COL18A1: variants seen among roughly 807,000 people sequenced by gnomAD.
The protein encoded by COL18A1 is collagen type XVIII alpha 1 chain, also known as collagen alpha-1(XVIII) chain.
A neutral mutation model predicts 168.0 loss-of-function variants in COL18A1; 133 were observed. That is an observed-to-expected ratio of 0.79 (90% CI 0.69 to 0.91). The LOEUF (loss-of-function observed/expected upper bound fraction) is 0.91. Ranked by LOEUF, COL18A1 falls within the 40% of genes least tolerant of loss-of-function variation. The pLI is 0.00. For synonymous variants in COL18A1, 949 were observed against 809.0 expected (o/e 1.17, Z -2.94); for missense variants, 2,126 against 1,925.4 (o/e 1.10, Z -1.95).
At chr21:45,479,848 G>A in intron 9 of COL18A1, 54 bp from the exon 10 acceptor site, 1 of 1,610,560 alleles carries the variant, frequency 6.2e-7, no homozygotes, top group Non-Finnish European at 8.5e-7. Context: ...AGAGTGCTGG[G>A]TGCGGCCCAT....
At chr21:45,420,358 C>G (rs879564110) in intron 2 of COL18A1, 1 of 152,264 alleles carries the variant, frequency 6.6e-6, no homozygotes, top group Non-Finnish European at 1.5e-5. Context: ...GGAGCCACTG[C>G]GAGGACACTG....
chr21:45,413,025 G>A (rs192125927), intron 2 of COL18A1, among the ~76,000 whole-genome samples: 1 of 152,298 alleles, frequency 6.6e-6, no homozygotes, highest in East Asian at 1.9e-4. Flanking sequence ...GGAGCGTCAT[G>A]GGGCCATACA....
chr21:45,469,974 GGCAAT>G (rs1473497198), intron 3 of COL18A1, among the ~76,000 whole-genome samples: 1 of 152,192 alleles, frequency 6.6e-6, no homozygotes, highest in Non-Finnish European at 1.5e-5. Flanking sequence ...TCCAGTGAGA[GGCAAT>G]TTGTTGTGTG....
intron 9 of COL18A1, 44 bp downstream of exon 9, chr21:45,478,397 T>C (rs376678992): frequency 1.1e-4 from 173 of 1,613,938 alleles, no homozygotes; most frequent in Non-Finnish European, 1.4e-4. Flanking sequence ...TCTGTGATGT[T>C]TGCTTAGACC....
intron 2 of COL18A1, among the ~76,000 whole-genome samples, chr21:45,434,302 C>A (rs543636663): frequency 6.6e-6 from 1 of 152,156 alleles, no homozygotes; most frequent in South Asian, 2.1e-4. Context: ...CCCTCGGGGA[C>A]AGGCGGCCCG....
Position 45,463,677 on chromosome 21 carries a change from C to T in COL18A1, c.107-4565C>T, listed in dbSNP as rs1408730181. The stretch of plus-strand genomic sequence containing the variant: ...CTTTGGGATGCCGAGGCATGCGGAT[C>T]GCCTGAGGTCGGGAGTTGGAGACCA... On this transcript the variant is annotated intron_variant, in intron 2 of 41. Transcript: ENST00000651438. The surrounding 1 kb of genome is among the most constrained non-coding windows in gnomAD (Gnocchi z 4.0). Among the ~76,000 whole-genome samples, 1 of 152,112 alleles carries T rather than the reference C, an allele frequency of 6.6e-6. No homozygotes were observed. The highest frequency in any genetic ancestry group is 1.5e-5 in the Non-Finnish European group (1 of 68,020).
At chr21:45,502,965 G>A (rs188887317) in intron 32 of COL18A1, 5 of 152,318 alleles carry the variant, frequency 3.3e-5, no homozygotes, top group African/African-American at 4.8e-5. Context: ...AACCACCACC[G>A]AGTCCTAAGC....
Position 45,482,269 on chromosome 21 carries a change from G to A in COL18A1, c.1674+244G>A, listed in dbSNP as rs114421857. ...GGTTTTAAGAACATGGGCACCCTGC[G>A]AGATCTGAGATCTTACTCCAAGCTT... On this transcript the variant is annotated intron_variant, in intron 14 of 41. Coordinates refer to ENST00000651438, the MANE Select transcript of COL18A1 (RefSeq NM_001379500.1). 3,468 of 636,612 alleles carry A rather than the reference G, an allele frequency of 5.4e-3. 79 individuals are homozygous for A. The African/African-American group carries it at 0.056, about 10-fold the overall frequency. The allele number at this position is 636,612 out of a possible 1,614,324, so 39.4% of individuals were successfully genotyped here.
intron 2 of COL18A1, among the ~76,000 whole-genome samples, chr21:45,417,111 T>G (rs964608491): frequency 6.6e-6 from 1 of 152,170 alleles, no homozygotes. Flanking sequence ...GGTTGCTGTT[T>G]AGATAATGTG....
chr21:45,435,065 C>T (rs1014935410), intron 2 of COL18A1, among the ~76,000 whole-genome samples: 9 of 152,086 alleles, frequency 5.9e-5, no homozygotes, highest in African/African-American at 2.2e-4. Context: ...AGGAAAGCCA[C>T]TGTCCTGCTT....
At chr21:45,422,833 G>A (rs963523122) in intron 2 of COL18A1, among the ~76,000 whole-genome samples, 4 of 151,846 alleles carry the variant, frequency 2.6e-5, no homozygotes, top group African/African-American at 9.7e-5. Context: ...TGTTGCCCAG[G>A]CTGGAGTGCA....
intron 20 of COL18A1, 114 bp from the exon 21 acceptor site, chr21:45,490,722 C>A: frequency 1.7e-6 from 2 of 1,162,118 alleles, no homozygotes; most frequent in Non-Finnish European, 2.5e-6. Flanking sequence ...CCCTCCCAGG[C>A]CCCAGCCGGT....
In COL18A1 at chr21:45,463,877, A is replaced by G. The variant is rs990254483; in HGVS notation, c.107-4365A>G. Among the ~76,000 whole-genome samples, 3 of 151,976 alleles carry G rather than the reference A, an allele frequency of 2.0e-5. No homozygotes were observed. The highest frequency in any genetic ancestry group is 4.4e-5 in the Non-Finnish European group (3 of 68,012). The stretch of plus-strand genomic sequence containing the variant: ...GCACCACTGTACTCCAGCCTGGGCA[A>G]CAAGAGCGAAACTCCATCTAAAAAA... On this transcript the variant is annotated intron_variant, in intron 2 of 41. Coordinates refer to ENST00000651438, the MANE Select transcript of COL18A1 (RefSeq NM_001379500.1). The surrounding 1 kb of genome is among the most constrained non-coding windows in gnomAD (Gnocchi z 4.0).
intron 2 of COL18A1, among the ~76,000 whole-genome samples, chr21:45,454,010 GT>G (rs2034717824): frequency 1.3e-5 from 2 of 152,182 alleles, no homozygotes; most frequent in African/African-American, 4.8e-5. Context: ...TGGAATTTCT[GT>G]TTGGAGACTT....
At chr21:45,450,055 T>C (rs1468261280) in intron 2 of COL18A1, among the ~76,000 whole-genome samples, 1 of 152,178 alleles carries the variant, frequency 6.6e-6, no homozygotes, top group Non-Finnish European at 1.5e-5. Context: ...ATCCAAACCT[T>C]GACTGGCTGT....
At chr21:45,459,830 C>A (rs1212035339) in intron 2 of COL18A1, among the ~76,000 whole-genome samples, 2 of 152,154 alleles carry the variant, frequency 1.3e-5, no homozygotes, top group Non-Finnish European at 2.9e-5. Context: ...GCCCCCTGGG[C>A]TGTCTCAGTG....
intron 2 of COL18A1, chr21:45,456,407 G>T: frequency 1.3e-6 from 2 of 1,545,406 alleles, no homozygotes; most frequent in Non-Finnish European, 1.8e-6. Context: ...GTCTCAGGTC[G>T]CAGTCACCAC....
rs191902487 is a variant in COL18A1, at chr21:45,463,885, G to T, written c.107-4357G>T. ...GTACTCCAGCCTGGGCAACAAGAGC[G>T]AAACTCCATCTAAAAAAAAAAAAGA... is the stretch of plus-strand genomic sequence containing the variant. On this transcript the variant is annotated intron_variant, in intron 2 of 41. Transcript: ENST00000651438. The surrounding 1 kb of genome is among the most constrained non-coding windows in gnomAD (Gnocchi z 4.0). Among the ~76,000 whole-genome samples the T allele has an allele frequency of 7.1e-3, 1,077 of 150,972 alleles. 6 individuals are homozygous for T. Among genetic ancestry groups the T allele is most frequent in the Non-Finnish European group, 0.012 (789 of 67,864 alleles).
chr21:45,494,643 C>T (rs932484549), intron 27 of COL18A1, 72 bp downstream of exon 27: 3 of 1,602,218 alleles, frequency 1.9e-6, no homozygotes, highest in African/African-American at 2.7e-5. Flanking sequence ...TCGCCCGCGG[C>T]TGCTGAGCTT....
Sources: gnomAD v4.1 joint callset for allele counts (sites outside exome capture counted in the v4.1 genomes callset) on GRCh38, gnomAD v4.1.1 for gene constraint, Gnocchi (gnomAD v3.1) non-coding constraint, MANE v1.5 for transcripts, NCBI Gene and HGNC (gene_info 2026-07-23, HGNC 2026-07-21) for gene names.